REDIC1: variants seen among roughly 807,000 people sequenced by gnomAD.
REDIC1 encodes HEI10 Interacting Protein 1.
At chr12:39,832,459 G>T in the REDIC1 span, among the ~76,000 whole-genome samples, 2 of 152,072 alleles carry the variant, frequency 1.3e-5, no homozygotes, top group Admixed American at 6.6e-5. Context: ...TAATTACTGA[G>T]AACTTATTGT....
At chr12:39,667,820 A>T in the REDIC1 span, among the ~76,000 whole-genome samples, 6 of 152,132 alleles carry the variant, frequency 3.9e-5, no homozygotes, top group Non-Finnish European at 7.3e-5. Flanking sequence ...CCATTATGTA[A>T]TGGCCTTCTT....
chr12:39,803,728 A>G, the REDIC1 span, among the ~76,000 whole-genome samples: 1 of 152,310 alleles, frequency 6.6e-6, no homozygotes, highest in South Asian at 2.1e-4. Context: ...GAAAGAGCTT[A>G]TGAGACAGGG....
chr12:39,749,790 C>T, the REDIC1 span, among the ~76,000 whole-genome samples: 1 of 152,158 alleles, frequency 6.6e-6, no homozygotes, highest in East Asian at 1.9e-4. Context: ...AGTAATCCAG[C>T]ATATAAACAG....
chr12:39,896,496 A>C, the REDIC1 span, among the ~76,000 whole-genome samples: 1 of 148,074 alleles, frequency 6.8e-6, no homozygotes, highest in Non-Finnish European at 1.5e-5. Context: ...ATATGTACAC[A>C]TATATGTATG....
the REDIC1 span, among the ~76,000 whole-genome samples, chr12:39,858,331 T>C: frequency 2.0e-5 from 3 of 152,226 alleles, no homozygotes; most frequent in Non-Finnish European, 4.4e-5. Flanking sequence ...TAGATATTAG[T>C]AACACATACA....
At chr12:39,838,637 C>T in the REDIC1 span, among the ~76,000 whole-genome samples, 1 of 151,724 alleles carries the variant, frequency 6.6e-6, no homozygotes, top group African/African-American at 2.4e-5. Context: ...AAGAGCAGGA[C>T]AAAAGGCTGC....
chr12:39,648,371 A>G, the REDIC1 span, among the ~76,000 whole-genome samples: 1 of 151,650 alleles, frequency 6.6e-6, no homozygotes, highest in Admixed American at 6.6e-5. Context: ...AGTTTCAGAG[A>G]TGTCGTAGTA....
the REDIC1 span, among the ~76,000 whole-genome samples, chr12:39,896,468 ATATATG>A: frequency 5.5e-5 from 8 of 144,350 alleles, 1 homozygote; most frequent in Admixed American, 5.0e-4. Flanking sequence ...ATATGTATAC[ATATATG>A]TATATGTGTA....
At chr12:39,805,505 C>A in the REDIC1 span, among the ~76,000 whole-genome samples, 1 of 50,882 alleles carries the variant, frequency 2.0e-5, no homozygotes, top group Non-Finnish European at 3.5e-5. Context: ...TAGGTTAATG[C>A]CTCTGTTGGT....
the REDIC1 span, among the ~76,000 whole-genome samples, chr12:39,857,775 T>C: frequency 6.6e-6 from 1 of 152,240 alleles, no homozygotes; most frequent in East Asian, 1.9e-4. Flanking sequence ...ATTCTCTTGC[T>C]TGCTCGTTAT....
the REDIC1 span, among the ~76,000 whole-genome samples, chr12:39,698,373 A>G: frequency 6.6e-6 from 1 of 151,874 alleles, no homozygotes; most frequent in Non-Finnish European, 1.5e-5. Flanking sequence ...AAAGAGGAAG[A>G]GACACACTCC....
chr12:39,764,780 A>G, the REDIC1 span: 26 of 1,612,772 alleles, frequency 1.6e-5, no homozygotes, highest in Middle Eastern at 3.3e-4. Flanking sequence ...CCAGAAGTGC[A>G]GTCCAGGAGT....
chr12:39,690,900 A>C, the REDIC1 span, among the ~76,000 whole-genome samples: 1 of 152,098 alleles, frequency 6.6e-6, no homozygotes, highest in Non-Finnish European at 1.5e-5. Flanking sequence ...AACAGATCTG[A>C]AGTAGGTATT....
the REDIC1 span, among the ~76,000 whole-genome samples, chr12:39,812,234 C>G: frequency 6.6e-6 from 1 of 152,068 alleles, no homozygotes; most frequent in Admixed American, 6.5e-5. Context: ...TCTGGGGCCC[C>G]TTTATAAAGG....
chr12:39,839,188 C>T, the REDIC1 span, among the ~76,000 whole-genome samples: 940 of 152,144 alleles, frequency 6.2e-3, 11 homozygotes, highest in African/African-American at 0.021. Flanking sequence ...CAGAGAACAC[C>T]GCCACTACCA....
At chr12:39,712,520 C>G in the REDIC1 span, among the ~76,000 whole-genome samples, 1 of 141,038 alleles carries the variant, frequency 7.1e-6, no homozygotes, top group Non-Finnish European at 1.6e-5. Context: ...TACGTATATA[C>G]ACGACATATA....
chr12:39,729,261 T>A, the REDIC1 span, among the ~76,000 whole-genome samples: 1 of 152,216 alleles, frequency 6.6e-6, no homozygotes, highest in Non-Finnish European at 1.5e-5. Flanking sequence ...AAGGTGTCAA[T>A]TTTAGATCTT....
At chr12:39,653,567 C>CT in the REDIC1 span, among the ~76,000 whole-genome samples, 1 of 119,128 alleles carries the variant, frequency 8.4e-6, no homozygotes. Flanking sequence ...CTTTCTTCTT[C>CT]TTCTTTTTCT....
the REDIC1 span, chr12:39,691,998 G>C: frequency 2.8e-6 from 4 of 1,445,052 alleles, no homozygotes. Flanking sequence ...AGATATAAGT[G>C]AATATTATTA....
Sources: allele counts gnomAD v4.1 joint callset (sites outside exome capture counted in the v4.1 genomes callset), GRCh38; gene constraint gnomAD v4.1.1; transcripts MANE v1.5; gene names NCBI Gene and HGNC (gene_info 2026-07-23, HGNC 2026-07-21).